The following SEC24D variants were observed in gnomAD, a reference collection of about 807,000 sequenced individuals.
The protein encoded by SEC24D is protein transport protein Sec24D.
SEC24D carries 69 observed loss-of-function variants against 116.9 expected under a neutral mutation model. The observed-to-expected ratio is 0.59, with a 90% confidence interval of 0.49 to 0.72. SEC24D has a LOEUF of 0.72. Ranked by LOEUF, SEC24D falls within the 30% of genes least tolerant of loss-of-function variation. The pLI is 0.00. For missense variants in SEC24D, 1,131 were observed against 1,264.1 expected, an observed-to-expected ratio of 0.89 and a Z score of 1.60; for synonymous variants, 405 against 442.8, an observed-to-expected ratio of 0.91 and a Z score of 1.07.
intron 7 of SEC24D, 30 bp from the exon 8 acceptor site, chr4:118,797,840 C>G (rs2110506029): frequency 6.5e-7 from 1 of 1,531,310 alleles, no homozygotes; most frequent in Non-Finnish European, 8.9e-7. Flanking sequence ...ACACTTAAAA[C>G]TTGTTTAGAA....
chr4:118,730,579 A>G (rs972533200), intron 21 of SEC24D: 1 of 152,274 alleles, frequency 6.6e-6, no homozygotes, highest in Non-Finnish European at 1.5e-5. Context: ...GGAATCCACT[A>G]TCAGAGTCAA....
Position 118,731,515 on chromosome 4 carries a change from G to A in SEC24D, c.2677-8C>T. 6.2e-7 allele frequency: 1 copy of A among 1,613,070 alleles called. No homozygotes were observed. The highest frequency in any genetic ancestry group is 8.5e-7 in the Non-Finnish European group (1 of 1,179,228). On this transcript the variant is annotated splice_polypyrimidine_tract_variant and splice_region_variant and intron_variant, in intron 20 of 22. Transcript: ENST00000280551. ...CTTGACATCTAACGTGTGCTGGGCAGGCACAGACAAAAGAGTTAGAAACTC... is the reference window on the plus strand; with the variant it reads ...CTTGACATCTAACGTGTGCTGGGCAAGCACAGACAAAAGAGTTAGAAACTC...
At chr4:118,796,205 A>G (rs984259155) in intron 8 of SEC24D, among the ~76,000 whole-genome samples, 2 of 152,218 alleles carry the variant, frequency 1.3e-5, no homozygotes, top group Non-Finnish European at 1.5e-5. Flanking sequence ...TTCAAAACAC[A>G]ATGTTGAAAA....
intron 7 of SEC24D, among the ~76,000 whole-genome samples, chr4:118,804,528 A>G (rs1459090575): frequency 6.6e-6 from 1 of 151,826 alleles, no homozygotes; most frequent in African/African-American, 2.4e-5. Flanking sequence ...AAACACTTAT[A>G]TAATACTTAT....
At chr4:118,832,933 C>T (rs1004520633) in intron 2 of SEC24D, among the ~76,000 whole-genome samples, 3 of 152,158 alleles carry the variant, frequency 2.0e-5, no homozygotes, top group African/African-American at 7.2e-5. Flanking sequence ...TCTTTAAAAT[C>T]TCGGGAAGAA....
chr4:118,776,330 A>T (rs1199610156), intron 8 of SEC24D, among the ~76,000 whole-genome samples: 1 of 152,130 alleles, frequency 6.6e-6, no homozygotes, highest in African/African-American at 2.4e-5. Flanking sequence ...CACAGCTGTG[A>T]CCTTTCTACC....
At chr4:118,727,173 A>G (rs1172709172) in intron 22 of SEC24D, among the ~76,000 whole-genome samples, 2 of 152,226 alleles carry the variant, frequency 1.3e-5, no homozygotes, top group Non-Finnish European at 2.9e-5. Context: ...CAACTCTGAC[A>G]TCTGTAGATT....
intron 8 of SEC24D, among the ~76,000 whole-genome samples, chr4:118,777,636 T>C (rs1333870373): frequency 6.6e-6 from 1 of 152,214 alleles, no homozygotes; most frequent in East Asian, 1.9e-4. Flanking sequence ...AGTAATGGGA[T>C]TGCTGGGTCA....
chr4:118,759,532 T>C (rs1727266433), intron 10 of SEC24D, among the ~76,000 whole-genome samples: 1 of 152,182 alleles, frequency 6.6e-6, no homozygotes, highest in Non-Finnish European at 1.5e-5. Context: ...TTACTACAAC[T>C]GCTCTCTTAA....
At position 118,757,844 on chromosome 4, in the gene SEC24D, T is replaced by C. The variant is rs201158359; in HGVS notation, c.1298A>G (p.Lys433Arg). 7.6e-5 allele frequency: 122 copies of C among 1,599,888 alleles called. No homozygotes were observed. In the South Asian group the frequency reaches 1.3e-3, roughly 17 times the overall value. Reference sequence around the variant, plus strand: ...GGCTGGTGGGTTGGGAGGCTTACTCTTCTATAGGAAAGCAAACACATCACA... The same window carrying C: ...GGCTGGTGGGTTGGGAGGCTTACTCCTCTATAGGAAAGCAAACACATCACA... ...EYVATLDYCRKSKPPNPPAFI... is the reference protein window; with the variant it reads ...EYVATLDYCRRSKPPNPPAFI... The change falls in exon 11 of 23, where the codon AAG (lysine) becomes AGG (arginine). Residue 433 changes from lysine (K) to arginine (R), a missense_variant and splice_region_variant. By Grantham distance (26) the Lys-to-Arg change is conservative. Coordinates refer to ENST00000280551, the MANE Select transcript of SEC24D (RefSeq NM_014822.4).
chr4:118,817,360 G>C lies in SEC24D; in HGVS notation c.301C>G (p.Gln101Glu). The C allele has an allele frequency of 6.2e-7, 1 of 1,613,672 alleles. No homozygotes were observed. The highest frequency in any genetic ancestry group is 8.5e-7 in the Non-Finnish European group (1 of 1,179,766). The change falls in exon 4 of 23, where the codon CAA becomes GAA. Residue 101 changes from glutamine (Q) to glutamate (E), a missense_variant. Physicochemically the swap from Gln to Glu is conservative, Grantham distance 29. Coordinates refer to ENST00000280551, the MANE Select transcript of SEC24D (RefSeq NM_014822.4). ...GGATAAGAAGATTGTGCAGAGGGTT[G>C]GTATGGTGCATGTGAGGATGCCACA... ...NNVASSHAPY[Q>E]PSAQSSYPGP...
intron 18 of SEC24D, among the ~76,000 whole-genome samples, 166 bp downstream of exon 18, chr4:118,738,983 A>C (rs542494774): frequency 1.6e-4 from 25 of 152,266 alleles, no homozygotes; most frequent in African/African-American, 5.3e-4. Flanking sequence ...CTCACTTATT[A>C]ATTTAGAGTT....
chr4:118,833,525 T>C lies in SEC24D; in HGVS notation c.118+54A>G, dbSNP rs115133129. On this transcript the variant is annotated intron_variant, in intron 2 of 22. Coordinates refer to ENST00000280551, the MANE Select transcript of SEC24D (RefSeq NM_014822.4). ...ATCTCCTCTTTCAGAACATCTTATG[T>C]CTCTGAGCCTGAGAACTGAATAATC... 6.4e-4 allele frequency: 752 copies of C among 1,179,288 alleles called. 4 individuals carry two copies. In the African/African-American group the frequency reaches 0.01, roughly 16 times the overall value. 73.1% of individuals were successfully genotyped at this position (1,179,288 alleles called of 1,614,324 possible). A position where few individuals can be genotyped will look rare whatever the true frequency, so the allele number is the denominator to read the frequency against.
intron 5 of SEC24D, 78 bp downstream of exon 5, chr4:118,815,373 C>T (rs1281655624): frequency 3.9e-6 from 6 of 1,531,268 alleles, no homozygotes; most frequent in South Asian, 1.2e-5. Context: ...TACCTAGTAA[C>T]ATAGGAACAA....
chr4:118,757,130 G>C (rs1727135629), intron 11 of SEC24D, among the ~76,000 whole-genome samples: 1 of 152,106 alleles, frequency 6.6e-6, no homozygotes, highest in Non-Finnish European at 1.5e-5. Context: ...GAAGTCTTGA[G>C]TAAGGTCTAA....
intron 3 of SEC24D, among the ~76,000 whole-genome samples, chr4:118,819,391 C>T (rs968882111): frequency 1.3e-5 from 2 of 151,560 alleles, no homozygotes; most frequent in Admixed American, 1.3e-4. Flanking sequence ...ATTAGCCGGG[C>T]GTGGTGGTGG....
At chr4:118,739,336 C>T (rs1225623595) in intron 17 of SEC24D, 49 bp from the exon 18 acceptor site, 2 of 1,573,096 alleles carry the variant, frequency 1.3e-6, no homozygotes, top group South Asian at 1.1e-5. Flanking sequence ...AACATATCCA[C>T]CCAAGCTAAC....
At chr4:118,818,791 T>G (rs1730262179) in intron 3 of SEC24D, among the ~76,000 whole-genome samples, 1 of 152,128 alleles carries the variant, frequency 6.6e-6, no homozygotes, top group African/African-American at 2.4e-5. Context: ...GGTCTTTCCA[T>G]TCTTTCCATT....
In SEC24D at chr4:118,744,150, GA is replaced by G; in HGVS notation, c.1832del (p.Phe611SerfsTer22). ...AGTCATAGACATTTGTTTGGGGCTG[GA>G]AAAGTATCTGGAAAAAAGATGCAAA... ...LVNTDKEKIL[F>X]QPQTNVYDSL... On this transcript the variant is annotated frameshift_variant, in exon 15 of 23. Coordinates refer to ENST00000280551, the MANE Select transcript of SEC24D (RefSeq NM_014822.4). LOFTEE classifies it high-confidence loss of function. 1 of 1,548,038 alleles carries G rather than the reference GA, an allele frequency of 6.5e-7. No homozygotes were observed. Among genetic ancestry groups the G allele is most frequent in the Non-Finnish European group, 8.7e-7 (1 of 1,149,650 alleles).
Sources: allele counts gnomAD v4.1 joint callset (sites outside exome capture counted in the v4.1 genomes callset), GRCh38; gene constraint gnomAD v4.1.1; transcripts MANE v1.5; gene names NCBI Gene and HGNC (gene_info 2026-07-23, HGNC 2026-07-21).